SPAG16: variants seen among roughly 807,000 people sequenced by gnomAD.
The protein encoded by SPAG16 is sperm-associated antigen 16 protein.
SPAG16 carries 86 observed loss-of-function variants against 80.4 expected under a neutral mutation model. That is an observed-to-expected ratio of 1.07 (90% CI 0.90 to 1.28). The LOEUF is 1.28. Ranked by LOEUF, SPAG16 falls within the 50% of genes most tolerant of loss-of-function variation. The probability of loss-of-function intolerance (pLI) is 0.00; values close to 1 mark genes in which losing one functional copy is unlikely to be tolerated. For synonymous variants in SPAG16, 294 were observed against 265.9 expected (o/e 1.11, Z -1.03); for missense variants, 870 against 765.3 (o/e 1.14, Z -1.61).
At chr2:213,861,702 A>G (rs867040325) in intron 10 of SPAG16, among the ~76,000 whole-genome samples, 2 of 152,218 alleles carry the variant, frequency 1.3e-5, no homozygotes, top group Non-Finnish European at 2.9e-5. Context: ...CTAAAATATC[A>G]GGCATTAACC....
chr2:213,322,308 G>C (rs1297003975), intron 5 of SPAG16, among the ~76,000 whole-genome samples: 2 of 103,060 alleles, frequency 1.9e-5, no homozygotes, highest in Non-Finnish European at 3.6e-5. Context: ...AGCATTTTAT[G>C]TCTTCTTTCC....
chr2:213,671,465 T>C (rs2063810160), intron 10 of SPAG16, among the ~76,000 whole-genome samples: 1 of 152,150 alleles, frequency 6.6e-6, no homozygotes, highest in Admixed American at 6.6e-5. Context: ...ATAGCAGAAC[T>C]GTGAGCAAGA....
At chr2:213,966,774 AT>A (rs2044731650) in intron 12 of SPAG16, among the ~76,000 whole-genome samples, 1 of 151,922 alleles carries the variant, frequency 6.6e-6, no homozygotes. Context: ...TAGCATGATC[AT>A]TTTTTCCACA....
intron 12 of SPAG16, among the ~76,000 whole-genome samples, chr2:213,992,751 A>G (rs772710791): frequency 1.3e-4 from 20 of 152,206 alleles, no homozygotes; most frequent in Non-Finnish European, 2.5e-4. Flanking sequence ...AATAACTGAC[A>G]CACTTATATG....
At chr2:213,529,133 T>C (rs1245830855) in intron 10 of SPAG16, among the ~76,000 whole-genome samples, 1 of 152,212 alleles carries the variant, frequency 6.6e-6, no homozygotes, top group Non-Finnish European at 1.5e-5. Flanking sequence ...GCAGTAGGGA[T>C]GACATAAATT....
intron 15 of SPAG16, among the ~76,000 whole-genome samples, chr2:214,358,162 A>G (rs535099867): frequency 2.0e-5 from 3 of 151,970 alleles, no homozygotes; most frequent in Admixed American, 6.6e-5. Context: ...TGTAAAAAGC[A>G]TTCCCTGGAG....
chr2:213,782,492 T>C (rs940111763), intron 10 of SPAG16, among the ~76,000 whole-genome samples: 1 of 152,232 alleles, frequency 6.6e-6, no homozygotes, highest in Non-Finnish European at 1.5e-5. Context: ...TTCAATGAAG[T>C]ATTTGTTTCA....
chr2:213,603,532 T>C (rs533422507), intron 10 of SPAG16, among the ~76,000 whole-genome samples: 4 of 152,352 alleles, frequency 2.6e-5, no homozygotes, highest in South Asian at 4.1e-4. Context: ...ACAAAAATTA[T>C]CTAATATTCA....
chr2:213,457,629 G>T (rs2072103461), intron 9 of SPAG16, among the ~76,000 whole-genome samples: 1 of 151,742 alleles, frequency 6.6e-6, no homozygotes, highest in South Asian at 2.1e-4. Context: ...TATTATTCAA[G>T]CCAGACCAGA....
intron 10 of SPAG16, among the ~76,000 whole-genome samples, chr2:213,722,511 AGGGCCT>A (rs914708451): frequency 6.6e-6 from 1 of 152,170 alleles, no homozygotes; most frequent in African/African-American, 2.4e-5. Flanking sequence ...CACAGGTATT[AGGGCCT>A]GGTAGTAAAC....
chr2:213,509,386 T>A (rs2075127335), intron 10 of SPAG16, among the ~76,000 whole-genome samples: 1 of 152,184 alleles, frequency 6.6e-6, no homozygotes, highest in Non-Finnish European at 1.5e-5. Context: ...TTATTAAACC[T>A]TTGCCTGAAA....
At chr2:213,532,124 T>C (rs1269138807) in intron 10 of SPAG16, among the ~76,000 whole-genome samples, 6 of 152,158 alleles carry the variant, frequency 3.9e-5, no homozygotes, top group African/African-American at 1.4e-4. Flanking sequence ...ATATATGAAG[T>C]TTAGAGGACA....
chr2:213,959,245 A>G lies in SPAG16; in HGVS notation c.1400+29100A>G, dbSNP rs371430334. The stretch of plus-strand genomic sequence containing the variant: ...GTCTCAGTGTGGTCTCTTTGATTTC[A>G]TCTTACTTGAAGGTCTTTGTACTTC... On this transcript the variant is annotated intron_variant, in intron 12 of 15. Coordinates refer to ENST00000331683, the MANE Select transcript of SPAG16 (RefSeq NM_024532.5). 3.5e-4 allele frequency among the ~76,000 whole-genome samples: 53 copies of G among 151,890 alleles called. No homozygotes were observed. The East Asian group carries it at 0.01, about 29-fold the overall frequency.
intron 14 of SPAG16, among the ~76,000 whole-genome samples, chr2:214,140,276 CCAA>C: frequency 6.7e-6 from 1 of 150,192 alleles, no homozygotes; most frequent in Non-Finnish European, 1.5e-5. Context: ...CTTTTAGCTT[CCAA>C]ACTTTTTTTT....
chr2:213,860,071 A>G (rs2075356459), intron 10 of SPAG16, among the ~76,000 whole-genome samples: 1 of 151,960 alleles, frequency 6.6e-6, no homozygotes, highest in Non-Finnish European at 1.5e-5. Flanking sequence ...TGTACGTGGG[A>G]AATATTTCTG....
chr2:213,855,428 C>T (rs1399037749), intron 10 of SPAG16, among the ~76,000 whole-genome samples: 1 of 152,212 alleles, frequency 6.6e-6, no homozygotes, highest in Admixed American at 6.5e-5. Flanking sequence ...CCCAGTTCCT[C>T]CACCTGGAAA....
chr2:214,348,414 A>C (rs1698198031), intron 15 of SPAG16, among the ~76,000 whole-genome samples: 1 of 152,336 alleles, frequency 6.6e-6, no homozygotes, highest in East Asian at 1.9e-4. Context: ...TAGCAAGATC[A>C]TTGTTTTCTT....
chr2:213,286,782 T>G (rs1445550601), intron 1 of SPAG16, among the ~76,000 whole-genome samples: 1 of 152,228 alleles, frequency 6.6e-6, no homozygotes, highest in Non-Finnish European at 1.5e-5. Context: ...TGAAAGAAGT[T>G]GACTTGAATT....
chr2:213,714,340 T>G (rs1019108327), intron 10 of SPAG16, among the ~76,000 whole-genome samples: 1 of 152,184 alleles, frequency 6.6e-6, no homozygotes, highest in African/African-American at 2.4e-5. Flanking sequence ...CCTGTCACAT[T>G]CAGAAATTGC....
Sources: gnomAD v4.1 joint callset for allele counts (sites outside exome capture counted in the v4.1 genomes callset) on GRCh38, gnomAD v4.1.1 for gene constraint, MANE v1.5 for transcripts, NCBI Gene and HGNC (gene_info 2026-07-23, HGNC 2026-07-21) for gene names.